The following CCL26 variants were observed in gnomAD, a reference collection of about 807,000 sequenced individuals.
The protein encoded by CCL26 is C-C motif chemokine 26.
CCL26 carries 10 observed loss-of-function variants against 10.7 expected under a neutral mutation model. The observed-to-expected ratio is 0.93, with a 90% CI of 0.57 to 1.58. The LOEUF (loss-of-function observed/expected upper bound fraction) is 1.58. Ranked by LOEUF, CCL26 falls within the 40% of genes most tolerant of loss-of-function variation. CCL26 has a pLI of 0.00. For synonymous variants in CCL26, 43 were observed against 41.4 expected, an observed-to-expected ratio of 1.04 and a Z score of -0.15; for missense variants, 116 against 111.0, an observed-to-expected ratio of 1.05 and a Z score of -0.20.
chr7:75,789,556 C>G (rs1043429074), intron 1 of CCL26, among the ~76,000 whole-genome samples: 1 of 151,610 alleles, frequency 6.6e-6, no homozygotes, highest in Non-Finnish European at 1.5e-5. Flanking sequence ...CATACTTCTG[C>G]CTTTCCCTGC....
intron 1 of CCL26, among the ~76,000 whole-genome samples, chr7:75,781,815 C>A (rs113089687): frequency 1.8e-4 from 27 of 152,128 alleles, no homozygotes; most frequent in African/African-American, 6.0e-4. Context: ...AACAGCCCCA[C>A]CCCTATCTCC....
intron 1 of CCL26, among the ~76,000 whole-genome samples, chr7:75,778,476 A>C (rs1304390304): frequency 1.4e-5 from 2 of 147,636 alleles, no homozygotes; most frequent in African/African-American, 5.0e-5. Context: ...TCTTTTTGAT[A>C]AATAGCCATT....
chr7:75,788,344 C>A (rs1292893973), intron 1 of CCL26, among the ~76,000 whole-genome samples: 1 of 152,036 alleles, frequency 6.6e-6, no homozygotes, highest in Non-Finnish European at 1.5e-5. Context: ...CAAAAGCTCC[C>A]CCACTGAGCA....
chr7:75,780,845 C>T (rs1317026472), intron 1 of CCL26, among the ~76,000 whole-genome samples: 2 of 152,150 alleles, frequency 1.3e-5, no homozygotes, highest in Non-Finnish European at 2.9e-5. Flanking sequence ...CCTCCGCTCC[C>T]CCACCCTACA....
chr7:75,777,239 C>CA (rs1325849296), intron 1 of CCL26, among the ~76,000 whole-genome samples: 2 of 151,944 alleles, frequency 1.3e-5, no homozygotes, highest in Non-Finnish European at 2.9e-5. Flanking sequence ...TCTTAAAAAA[C>CA]AAAAACAAAA....
At chr7:75,787,912 C>T (rs540066335) in intron 1 of CCL26, among the ~76,000 whole-genome samples, 141 of 152,118 alleles carry the variant, frequency 9.3e-4, no homozygotes, top group South Asian at 9.1e-3. Context: ...GAACGGCATC[C>T]GGGCCTTCAC....
At chr7:75,785,680 C>G (rs553122775) in intron 1 of CCL26, among the ~76,000 whole-genome samples, 1 of 152,248 alleles carries the variant, frequency 6.6e-6, no homozygotes, top group South Asian at 2.1e-4. Context: ...CTAACAAAAC[C>G]TTTACATAAA....
chr7:75,784,192 G>A (rs940726807), intron 1 of CCL26, among the ~76,000 whole-genome samples: 27 of 152,204 alleles, frequency 1.8e-4, no homozygotes, highest in African/African-American at 6.3e-4. Context: ...TCCCCCAGGA[G>A]CTTGCTATAA....
chr7:75,772,104 G>A lies in CCL26; in HGVS notation c.73C>T (p.Arg25Cys), dbSNP rs782783166. 6.3e-6 allele frequency: 10 copies of A among 1,583,060 alleles called. No individual in the cohort carries two copies. The highest frequency in any genetic ancestry group is 2.3e-5 in the East Asian group (1 of 42,918). ...GGAGGGGAATGGGCCAGCTACGTAC[G>A]TGTGGCAGTTCCAAGGTGGAGACTC... The part of the protein sequence containing the change: ...LLSLHLGTAT[R>C]GSDISKTCCF... Residue 25 changes from arginine (R) to cysteine (C), a missense_variant and splice_region_variant, in exon 1 of 3, where the codon CGT (arginine) becomes TGT (cysteine). Transcript: ENST00000005180.
At chr7:75,770,400 A>T (rs1270831230) in intron 2 of CCL26, among the ~76,000 whole-genome samples, 1 of 143,726 alleles carries the variant, frequency 7.0e-6, no homozygotes, top group Non-Finnish European at 1.5e-5. Context: ...ATTTTTTTTG[A>T]GACGGAGTTT....
intron 1 of CCL26, among the ~76,000 whole-genome samples, chr7:75,782,906 C>T (rs1803095268): frequency 1.3e-5 from 2 of 152,192 alleles, no homozygotes; most frequent in South Asian, 4.1e-4. Context: ...TCTATGGACT[C>T]ATCTGACCTC....
chr7:75,788,883 T>C (rs1554530362), intron 1 of CCL26, among the ~76,000 whole-genome samples: 1 of 151,918 alleles, frequency 6.6e-6, no homozygotes, highest in African/African-American at 2.4e-5. Context: ...GTGGAAATTC[T>C]TTGAGTTGTA....
chr7:75,788,484 C>T (rs1174236615), intron 1 of CCL26, among the ~76,000 whole-genome samples: 5 of 151,620 alleles, frequency 3.3e-5, no homozygotes, highest in South Asian at 4.2e-4. Context: ...GGACTCAGCC[C>T]GCCTGCACCC....
At chr7:75,776,581 G>GAAGGAAGA (rs1418221475), upstream of CCL26, among the ~76,000 whole-genome samples, 2 of 115,654 alleles carry the variant, frequency 1.7e-5, no homozygotes, top group African/African-American at 6.3e-5. Flanking sequence ...AGGAAGGAAG[G>GAAGGAAGA]AAGAAGGAAA....
At chr7:75,781,107 C>T (rs1176628899) in intron 1 of CCL26, among the ~76,000 whole-genome samples, 1 of 152,214 alleles carries the variant, frequency 6.6e-6, no homozygotes, top group Non-Finnish European at 1.5e-5. Context: ...GCTTTACAGC[C>T]CTAGGCCCTG....
chr7:75,790,241 TCCTC>T (rs370651721), upstream of CCL26, among the ~76,000 whole-genome samples: 3,285 of 120,172 alleles, frequency 0.027, 83 homozygotes, highest in African/African-American at 0.054. Context: ...CTTCCTTCCA[TCCTC>T]CCTCCCTCCC....
chr7:75,778,962 C>T (rs1210468066), intron 1 of CCL26, among the ~76,000 whole-genome samples: 1 of 152,080 alleles, frequency 6.6e-6, no homozygotes, highest in Non-Finnish European at 1.5e-5. Context: ...GTGACCTGCA[C>T]GTATACATCC....
At chr7:75,787,538 G>A (rs1019555975) in intron 1 of CCL26, among the ~76,000 whole-genome samples, 2 of 151,316 alleles carry the variant, frequency 1.3e-5, no homozygotes, top group African/African-American at 2.4e-5. Context: ...CCAGCTACTC[G>A]GGAGGCTGAG....
At chr7:75,782,295 A>T (rs1803082554) in intron 1 of CCL26, among the ~76,000 whole-genome samples, 1 of 152,118 alleles carries the variant, frequency 6.6e-6, no homozygotes. Flanking sequence ...TTGGTGTTTA[A>T]TCATTGCGGG....
Sources: gnomAD v4.1 joint callset for allele counts (sites outside exome capture counted in the v4.1 genomes callset) on GRCh38, gnomAD v4.1.1 for gene constraint, MANE v1.5 for transcripts, NCBI Gene and HGNC (gene_info 2026-07-23, HGNC 2026-07-21) for gene names.